Variants in TAFA1 observed in about 807,000 individuals in gnomAD.
TAFA1 encodes the protein TAFA chemokine like family member 1, also known as chemokine-like protein TAFA-1.
TAFA1 carries 4 observed loss-of-function variants against 18.5 expected under a neutral mutation model. The observed-to-expected ratio is 0.22, with a 90% CI of 0.11 to 0.49. The LOEUF (loss-of-function observed/expected upper bound fraction) is 0.49. Among genes scored for constraint, TAFA1 ranks in the 20% least tolerant of loss-of-function variants. The pLI is 0.98. For missense variants in TAFA1, 147 were observed against 169.0 expected (o/e 0.87, Z 0.72); for synonymous variants, 56 against 55.2 (o/e 1.01, Z -0.06).
At chr3:68,341,906 A>C (rs1235996640) in intron 2 of TAFA1, among the ~76,000 whole-genome samples, 6 of 152,200 alleles carry the variant, frequency 3.9e-5, no homozygotes. Context: ...ATGTGGAATG[A>C]AAGTTTAGCC....
Position 68,459,192 on chromosome 3 carries a change from T to A in TAFA1, c.259+41772T>A, listed in dbSNP as rs367860770. The stretch of plus-strand genomic sequence containing the variant: ...CTCATCAGCTGAGGGCAATTCCCAT[T>A]GCAGGAGCTGAGGGAATGAGTGTCT... On this transcript the variant is annotated intron_variant, in intron 3 of 4. Coordinates refer to ENST00000478136, the MANE Select transcript of TAFA1 (RefSeq NM_213609.4). Among the ~76,000 whole-genome samples, 20 of 152,310 alleles carry A rather than the reference T, an allele frequency of 1.3e-4. No homozygotes were observed. In the East Asian group the frequency reaches 3.9e-3, roughly 29 times the overall value.
intron 2 of TAFA1, among the ~76,000 whole-genome samples, chr3:68,326,198 A>G (rs1443519195): frequency 2.0e-5 from 3 of 152,226 alleles, no homozygotes; most frequent in African/African-American, 7.2e-5. Flanking sequence ...TAACATTTTC[A>G]GACTGATAGA....
intron 2 of TAFA1, among the ~76,000 whole-genome samples, chr3:68,325,896 C>T (rs1010497667): frequency 2.0e-5 from 3 of 152,122 alleles, no homozygotes; most frequent in East Asian, 3.9e-4. Flanking sequence ...GTGTATCTTG[C>T]TAGTGATAAA....
chr3:68,240,140 G>C (rs1404796215), intron 2 of TAFA1, among the ~76,000 whole-genome samples: 2 of 152,146 alleles, frequency 1.3e-5, no homozygotes, highest in African/African-American at 4.8e-5. Flanking sequence ...AAATGATGAA[G>C]AGAATGGGAT....
intron 2 of TAFA1, among the ~76,000 whole-genome samples, chr3:68,256,902 G>A (rs1575716039): frequency 6.6e-6 from 1 of 152,014 alleles, no homozygotes; most frequent in South Asian, 2.1e-4. Context: ...GCCCCCTCCA[G>A]TCTCTTTTCC....
intron 3 of TAFA1, among the ~76,000 whole-genome samples, chr3:68,483,701 T>A (rs141763575): frequency 3.3e-5 from 5 of 152,316 alleles, no homozygotes; most frequent in African/African-American, 9.6e-5. Flanking sequence ...TGAAACAGAT[T>A]CTGTGGGGCT....
At chr3:68,394,923 T>G (rs1028042703) in intron 2 of TAFA1, among the ~76,000 whole-genome samples, 2 of 151,954 alleles carry the variant, frequency 1.3e-5, no homozygotes, top group Non-Finnish European at 2.9e-5. Flanking sequence ...CAAAAGCAAT[T>G]GCAACAAAAG....
chr3:68,374,052 C>G (rs1212424777), intron 2 of TAFA1, among the ~76,000 whole-genome samples: 1 of 152,166 alleles, frequency 6.6e-6, no homozygotes, highest in African/African-American at 2.4e-5. Context: ...GCATCTGAGA[C>G]TCAGAAATAG....
At chr3:68,496,426 A>G (rs2072551444) in intron 3 of TAFA1, among the ~76,000 whole-genome samples, 1 of 152,146 alleles carries the variant, frequency 6.6e-6, no homozygotes, top group Admixed American at 6.5e-5. Flanking sequence ...GTTTCTTGTC[A>G]AAAGCTAGTC....
At chr3:68,260,179 G>A (rs1476079340) in intron 2 of TAFA1, among the ~76,000 whole-genome samples, 5 of 152,090 alleles carry the variant, frequency 3.3e-5, no homozygotes, top group Non-Finnish European at 7.4e-5. Context: ...GGCCTTTTCT[G>A]CATCTATTGA....
chr3:68,135,131 C>G (rs938613542), intron 2 of TAFA1, among the ~76,000 whole-genome samples: 1 of 152,130 alleles, frequency 6.6e-6, no homozygotes, highest in Admixed American at 6.6e-5. Flanking sequence ...TCATTTCAGC[C>G]AAGTAAGACT....
At chr3:68,308,999 G>C (rs1289468463) in intron 2 of TAFA1, among the ~76,000 whole-genome samples, 1 of 152,118 alleles carries the variant, frequency 6.6e-6, no homozygotes, top group Admixed American at 6.6e-5. Context: ...TAGAAGCCAA[G>C]CTGGTTCCTG....
At chr3:68,074,106 G>T (rs747911057) in intron 2 of TAFA1, among the ~76,000 whole-genome samples, 3 of 152,116 alleles carry the variant, frequency 2.0e-5, no homozygotes, top group Non-Finnish European at 4.4e-5. Context: ...AGATCATCAG[G>T]CATTAGATTC....
At chr3:68,284,004 T>C (rs1246892351) in intron 2 of TAFA1, among the ~76,000 whole-genome samples, 4 of 152,228 alleles carry the variant, frequency 2.6e-5, no homozygotes, top group Non-Finnish European at 5.9e-5. Context: ...GAATGCCTGT[T>C]GCTCCTTATG....
chr3:68,181,320 A>G (rs1254474014), intron 2 of TAFA1, among the ~76,000 whole-genome samples: 1 of 151,872 alleles, frequency 6.6e-6, no homozygotes, highest in Non-Finnish European at 1.5e-5. Flanking sequence ...TTGTTATGCA[A>G]CAGTAGGTAA....
chr3:68,049,973 G>A (rs1295319810), intron 2 of TAFA1, among the ~76,000 whole-genome samples: 1 of 152,134 alleles, frequency 6.6e-6, no homozygotes, highest in Non-Finnish European at 1.5e-5. Flanking sequence ...GTGTGGATAA[G>A]AATGTGGACT....
At chr3:68,312,670 C>A (rs1199820323) in intron 2 of TAFA1, among the ~76,000 whole-genome samples, 1 of 152,188 alleles carries the variant, frequency 6.6e-6, no homozygotes, top group Non-Finnish European at 1.5e-5. Flanking sequence ...AGCCATTCAG[C>A]AAGTCTCTAG....
chr3:68,429,040 C>T (rs1575858381), intron 3 of TAFA1, among the ~76,000 whole-genome samples: 2 of 151,990 alleles, frequency 1.3e-5, no homozygotes, highest in East Asian at 3.9e-4. Flanking sequence ...CTACAGCATG[C>T]CTTGAGGCAC....
At chr3:68,321,331 G>C (rs1325783147) in intron 2 of TAFA1, among the ~76,000 whole-genome samples, 2 of 152,144 alleles carry the variant, frequency 1.3e-5, no homozygotes, top group African/African-American at 4.8e-5. Flanking sequence ...TTAGTTGTAA[G>C]ATTTAATAAG....
Sources: gnomAD v4.1 joint callset for allele counts (sites outside exome capture counted in the v4.1 genomes callset) on GRCh38, gnomAD v4.1.1 for gene constraint, MANE v1.5 for transcripts, NCBI Gene and HGNC (gene_info 2026-07-23, HGNC 2026-07-21) for gene names.